TUBGCP3: variants seen among roughly 807,000 people sequenced by gnomAD.
TUBGCP3 encodes the protein gamma-tubulin complex component 3.
Under a neutral mutation model 123.1 loss-of-function variants are expected in TUBGCP3, and 50 were observed. That is an observed-to-expected ratio of 0.41 (90% CI 0.32 to 0.51). The LOEUF is 0.51. Among genes scored for constraint, TUBGCP3 ranks in the 20% least tolerant of loss-of-function variants. The pLI is 0.36. For missense variants in TUBGCP3, 882 were observed against 1,127.0 expected (o/e 0.78, Z 3.11); for synonymous variants, 405 against 413.9 (o/e 0.98, Z 0.26).
intron 17 of TUBGCP3, among the ~76,000 whole-genome samples, chr13:112,515,090 C>G (rs1875994297): frequency 6.6e-6 from 1 of 152,024 alleles, no homozygotes; most frequent in Non-Finnish European, 1.5e-5. Flanking sequence ...ACATAGAAAA[C>G]TGATCAAAAA....
Position 112,519,777 on chromosome 13 carries a change from A to G in TUBGCP3, c.1881+109T>C. 7.1e-7 allele frequency: 1 copy of G among 1,400,454 alleles called. No homozygotes were observed. Among genetic ancestry groups the G allele is most frequent in the African/African-American group, 1.4e-5 (1 of 68,978 alleles). The allele number at this position is 1,400,454 out of a possible 1,614,324, so 86.8% of individuals were successfully genotyped here. A position where few individuals can be genotyped will look rare whatever the true frequency, so the allele number is the denominator to read the frequency against. On this transcript the variant is annotated intron_variant, in intron 15 of 21. Coordinates refer to ENST00000261965, the MANE Select transcript of TUBGCP3 (RefSeq NM_006322.6). The surrounding 1 kb of genome is among the most constrained non-coding windows in gnomAD (Gnocchi z 6.2). ...CTCAGGCTGCCCAGTTTCCAGAAAG[A>G]TAACGGCTAGCTGTGCCTGAAACAA...
At chr13:112,496,372 G>A (rs561593886) in intron 20 of TUBGCP3, among the ~76,000 whole-genome samples, 6 of 152,356 alleles carry the variant, frequency 3.9e-5, no homozygotes, top group East Asian at 1.9e-4. Flanking sequence ...GCAGGCGGGC[G>A]CCGCTTCGGT....
At chr13:112,559,204 A>AT (rs1594199807) in intron 4 of TUBGCP3, 118 bp downstream of exon 4, 1 of 795,282 alleles carries the variant, frequency 1.3e-6, no homozygotes, top group East Asian at 2.9e-5. Context: ...TTGACCTTCC[A>AT]TGACAGACAA....
intron 3 of TUBGCP3, 78 bp downstream of exon 3, chr13:112,565,033 A>G: frequency 1.1e-5 from 14 of 1,263,402 alleles, no homozygotes; most frequent in Non-Finnish European, 1.5e-5. Context: ...GATACCACAA[A>G]AAACATTCAA....
At chr13:112,597,764 T>C in the TUBGCP3 span, among the ~76,000 whole-genome samples, 1 of 150,140 alleles carries the variant, frequency 6.7e-6, no homozygotes, top group African/African-American at 2.5e-5. Context: ...CATGAAAACA[T>C]GCTGAGAAAA....
intron 11 of TUBGCP3, among the ~76,000 whole-genome samples, chr13:112,533,044 AG>A (rs1477232842): frequency 6.6e-6 from 1 of 152,186 alleles, no homozygotes; most frequent in African/African-American, 2.4e-5. Context: ...CTGGGCAGAG[AG>A]GCAGTGCAGT....
At chr13:112,516,893 C>A (rs550661415) in intron 16 of TUBGCP3, among the ~76,000 whole-genome samples, 1 of 152,330 alleles carries the variant, frequency 6.6e-6, no homozygotes, top group South Asian at 2.1e-4. Context: ...CAGGGGTGCA[C>A]TTTCTTCTGT....
rs1050900918 is a variant in TUBGCP3 at position 112,550,824 on chromosome 13, T to C, written c.967-2648A>G. ...AAACCTGCTGAAATATGCGGCCAGG[T>C]GCGGTGGCTCACGCCTGTAATCTCA... On this transcript the variant is annotated intron_variant, in intron 8 of 21. Transcript: ENST00000261965. Among the ~76,000 whole-genome samples the C allele has an allele frequency of 3.9e-4, 59 of 152,134 alleles. 1 individual carries two copies. Among genetic ancestry groups the C allele is most frequent in the Admixed American group, 3.9e-4 (6 of 15,280 alleles).
At chr13:112,538,578 C>T (rs761657910) in intron 11 of TUBGCP3, among the ~76,000 whole-genome samples, 1 of 152,194 alleles carries the variant, frequency 6.6e-6, no homozygotes, top group South Asian at 2.1e-4. Context: ...TAGTGCCCCA[C>T]TAGTGAGTTC....
At position 112,565,233 on chromosome 13, in the gene TUBGCP3, T is replaced by G. The variant is rs946228188; in HGVS notation, c.185-55A>C. The G allele has an allele frequency of 2.7e-6, 4 of 1,466,722 alleles. No homozygotes were observed. The Admixed American group carries it at 6.8e-5, about 25-fold the overall frequency. 90.9% of individuals were successfully genotyped at this position (1,466,722 alleles called of 1,614,324 possible). On this transcript the variant is annotated intron_variant, in intron 2 of 21. Coordinates refer to ENST00000261965, the MANE Select transcript of TUBGCP3 (RefSeq NM_006322.6). ...TAACTACAAACACCAAAATTCATTC[T>G]TATGATACTATTTCACCTACAACAC... is the stretch of plus-strand genomic sequence containing the variant.
chr13:112,491,819 T>G (rs149575228), intron 20 of TUBGCP3, among the ~76,000 whole-genome samples: 244 of 152,304 alleles, frequency 1.6e-3, no homozygotes, highest in Non-Finnish European at 3.1e-3. Context: ...GCCCGGATAA[T>G]GACCTTCAGC....
intron 10 of TUBGCP3, 112 bp downstream of exon 10, chr13:112,547,508 G>A (rs1044208971): frequency 1.7e-5 from 23 of 1,334,138 alleles, no homozygotes; most frequent in East Asian, 1.6e-4. Context: ...CCAGACGCGC[G>A]TGGGAAAGAC....
intron 11 of TUBGCP3, among the ~76,000 whole-genome samples, chr13:112,527,962 G>A (rs1877270966): frequency 6.6e-6 from 1 of 152,206 alleles, no homozygotes; most frequent in South Asian, 2.1e-4. Context: ...AGCTCTATGG[G>A]CAGACCTTGC....
chr13:112,525,839 T>C (rs1305545822), intron 13 of TUBGCP3, among the ~76,000 whole-genome samples: 1 of 152,228 alleles, frequency 6.6e-6, no homozygotes, highest in East Asian at 1.9e-4. Flanking sequence ...TTTGGCACAC[T>C]GCCACTTTAT....
At chr13:112,526,844 C>G in intron 13 of TUBGCP3, 98 bp downstream of exon 13, 2 of 863,458 alleles carry the variant, frequency 2.3e-6, no homozygotes, top group South Asian at 3.0e-5. Context: ...ACAATCACTA[C>G]GTCATCAACA....
chr13:112,531,251 T>C (rs1422056195), intron 11 of TUBGCP3, among the ~76,000 whole-genome samples: 2 of 152,224 alleles, frequency 1.3e-5, no homozygotes, highest in Non-Finnish European at 2.9e-5. Flanking sequence ...AAGAGGCTGC[T>C]ACGTTTATTT....
intron 11 of TUBGCP3, among the ~76,000 whole-genome samples, chr13:112,538,542 T>C (rs926589941): frequency 6.6e-6 from 1 of 152,212 alleles, no homozygotes; most frequent in African/African-American, 2.4e-5. Context: ...AGTTGCTGAC[T>C]TTCTTCTCCC....
intron 20 of TUBGCP3, among the ~76,000 whole-genome samples, chr13:112,498,037 C>A (rs114745768): frequency 0.012 from 1,773 of 152,284 alleles, 32 homozygotes; most frequent in African/African-American, 0.039. Context: ...CATGTACACA[C>A]ACACACACAT....
chr13:112,491,023 A>T (rs1388638641), intron 20 of TUBGCP3, among the ~76,000 whole-genome samples: 1 of 152,022 alleles, frequency 6.6e-6, no homozygotes, highest in East Asian at 1.9e-4. Flanking sequence ...CTTGTTTTGT[A>T]TGTTTGTGCC....
Sources: allele counts gnomAD v4.1 joint callset (sites outside exome capture counted in the v4.1 genomes callset), GRCh38; gene constraint gnomAD v4.1.1; non-coding constraint Gnocchi (gnomAD v3.1); transcripts MANE v1.5; gene names NCBI Gene and HGNC (gene_info 2026-07-23, HGNC 2026-07-21).